EDC4: variants seen among roughly 807,000 people sequenced by gnomAD.
EDC4 encodes enhancer of mRNA-decapping protein 4.
Under a neutral mutation model 155.8 loss-of-function variants are expected in EDC4, and 64 were observed. That is an observed-to-expected ratio of 0.41 (90% confidence interval 0.34 to 0.51). The LOEUF (loss-of-function observed/expected upper bound fraction) is 0.51, where lower values mean the gene tolerates loss of function less well. Among genes scored for constraint, EDC4 ranks in the 20% least tolerant of loss-of-function variants. The probability of loss-of-function intolerance (pLI) is 0.19; values close to 1 mark genes in which losing one functional copy is unlikely to be tolerated. For missense variants in EDC4, 1,303 were observed against 1,812.5 expected, an observed-to-expected ratio of 0.72 and a Z score of 5.10; for synonymous variants, 684 against 716.8, an observed-to-expected ratio of 0.95 and a Z score of 0.73.
In EDC4 at chr16:67,878,188, C is replaced by G. The variant is rs1567389757; in HGVS notation, c.917C>G (p.Ser306Cys). Residue 306 changes from serine (S) to cysteine (C), a missense_variant, in exon 8 of 29, where the codon TCT becomes TGT. Transcript: ENST00000358933. This position sits in a 1 kb window ranked among gnomAD's most constrained non-coding sequence, Gnocchi z 5.2. ...TAGTGCCTCAGTGAAGGAGCCCTCT[C>G]TCCTGATGGGACTGTGCTGGCTACT... ...HSTCLSEGAL[S>C]PDGTVLATAS... is the part of the protein sequence containing the mutation. 2 of 1,614,188 alleles carry G rather than the reference C, an allele frequency of 1.2e-6. No homozygotes were observed. Among genetic ancestry groups the G allele is most frequent in the Non-Finnish European group, 1.7e-6 (2 of 1,180,040 alleles).
chr16:67,881,100 G>C lies in EDC4; in HGVS notation c.2556G>C (p.Lys852Asn). ...AESPRNGLQE[K>N]HKSLAFHRPP... ...GCCCCAGGAATGGCCTTCAGGAAAA[G>C]CACAAGAGCCTGGCCTTCCACCGAC... Residue 852 changes from lysine to asparagine, a missense_variant, in exon 19 of 29, where the codon AAG becomes AAC. Lys to Asn is a moderately conservative substitution (Grantham distance 94, BLOSUM62 0). Transcript: ENST00000358933. This position sits in a 1 kb window ranked among gnomAD's most constrained non-coding sequence, Gnocchi z 5.4. 6.2e-7 allele frequency: 1 copy of C among 1,614,096 alleles called. No homozygotes were observed. The highest frequency in any genetic ancestry group is 8.5e-7 in the Non-Finnish European group (1 of 1,180,040).
rs1335985053 is a variant in EDC4 at position 67,879,457 on chromosome 16, T to C, written c.1587T>C (p.Pro529=). The C allele has an allele frequency of 1.1e-5, 17 of 1,614,160 alleles. No individual in the cohort carries two copies. Among genetic ancestry groups the C allele is most frequent in the Non-Finnish European group, 1.4e-5 (17 of 1,180,024 alleles). The change falls in exon 14 of 29, where the codon CCT becomes CCC. Residue 529 remains proline (P), a synonymous_variant. Transcript: ENST00000358933. The surrounding 1 kb of genome is among the most constrained non-coding windows in gnomAD (Gnocchi z 6.0). The part of the protein sequence containing the change: ...VQIRFQPQLN[P]DVVAPLPTHT... The stretch of plus-strand genomic sequence containing the variant: ...TCCGCTTCCAGCCACAGCTGAACCC[T>C]GATGTGGTGGCCCCACTGCCCACCC...
intron 1 of EDC4, among the ~76,000 whole-genome samples, chr16:67,874,258 C>A (rs907474109): frequency 6.6e-5 from 10 of 152,180 alleles, no homozygotes; most frequent in African/African-American, 2.4e-4. Context: ...GTTTAGGGAT[C>A]TCTGAAGTGG....
chr16:67,873,270 C>G lies in EDC4; in HGVS notation c.9C>G (p.Ser3=), dbSNP rs1433524050. 4 of 1,468,346 alleles carry G rather than the reference C, an allele frequency of 2.7e-6. No homozygotes were observed. The highest frequency in any genetic ancestry group is 3.6e-6 in the Non-Finnish European group (4 of 1,114,410). The allele number at this position is 1,468,346 out of a possible 1,614,324, so 91.0% of individuals were successfully genotyped here. A position where few individuals can be genotyped will look rare whatever the true frequency, so the allele number is the denominator to read the frequency against. MA[S]CASIDIEDAT... ...CGCCCGCCGCAGGGCCCATGGCCTC[C>G]TGCGCGAGCATCGACATCGAGGACG... The change falls in exon 1 of 29, where the codon TCC becomes TCG. Residue 3 remains serine, a synonymous_variant. Transcript: ENST00000358933.
chr16:67,874,157 G>C (rs530763745), intron 1 of EDC4, among the ~76,000 whole-genome samples: 2 of 152,286 alleles, frequency 1.3e-5, no homozygotes, highest in Admixed American at 6.5e-5. Flanking sequence ...ACAGGGGCTT[G>C]GGTGTCAGGA....
At chr16:67,875,905 G>C (rs753772373) in intron 1 of EDC4, 40 bp from the exon 2 acceptor site, 3 of 1,593,362 alleles carry the variant, frequency 1.9e-6, no homozygotes, top group Non-Finnish European at 2.6e-6. Flanking sequence ...CTTGTGGGCA[G>C]GTCGAGCAAC....
In EDC4 at chr16:67,884,202, G is replaced by C. The variant is rs973584423; in HGVS notation, c.*54G>C. On this transcript the variant is annotated 3_prime_UTR_variant, in exon 29 of 29. Coordinates refer to ENST00000358933, the MANE Select transcript of EDC4 (RefSeq NM_014329.5). The surrounding 1 kb of genome is among the most constrained non-coding windows in gnomAD (Gnocchi z 4.1). ...GATGGCACTGAAGGCCAGCAGACAG[G>C]CCTAGGCTGGGGCAGGGTCACGGCT... The C allele has an allele frequency of 5.4e-6, 8 of 1,495,186 alleles. 1 individual carries two copies. The South Asian group carries it at 8.9e-5, about 17-fold the overall frequency. 92.6% of individuals were successfully genotyped at this position (1,495,186 alleles called of 1,614,324 possible). A position where few individuals can be genotyped will look rare whatever the true frequency, so the allele number is the denominator to read the frequency against.
rs1167112102 is a variant in EDC4, at chr16:67,876,346, G to A, written c.240-142G>A. On this transcript the variant is annotated intron_variant, in intron 2 of 28. Transcript: ENST00000358933. This position sits in a 1 kb window ranked among gnomAD's most constrained non-coding sequence, Gnocchi z 5.8. ...GAAGGAGATGAGCAAGCAGAGCTGT[G>A]GGTCTGGGGCCAGTGGACCAGGCGA... 7.4e-7 allele frequency: 1 copy of A among 1,358,232 alleles called. No homozygotes were observed. The highest frequency in any genetic ancestry group is 2.7e-4 in the Middle Eastern group (1 of 3,726). The allele number at this position is 1,358,232 out of a possible 1,614,324, so 84.1% of individuals were successfully genotyped here.
intron 1 of EDC4, 52 bp from the exon 2 acceptor site, chr16:67,875,893 G>A (rs1413684507): frequency 1.7e-5 from 27 of 1,581,410 alleles, no homozygotes; most frequent in Middle Eastern, 2.2e-4. Context: ...AAAGGGGAGA[G>A]GCTTGTGGGC....
In EDC4 at chr16:67,879,076, C is replaced by T. The variant is rs750068655; in HGVS notation, c.1407C>T (p.Arg469=). 14 of 1,613,608 alleles carry T rather than the reference C, an allele frequency of 8.7e-6. No homozygotes were observed. In the South Asian group the frequency reaches 1.3e-4, roughly 15 times the overall value. ...VLSFGIQVVS[R]CRLRHTEVLP... Reference sequence around the variant, plus strand: ...GCTTTGGTATCCAGGTTGTGAGTCGCTGCCGGCTACGGCACACTGAGGTGC... The same window carrying T: ...GCTTTGGTATCCAGGTTGTGAGTCGTTGCCGGCTACGGCACACTGAGGTGC... Residue 469 remains arginine (R), a synonymous_variant, in exon 12 of 29, where the codon CGC becomes CGT. Transcript: ENST00000358933. This position sits in a 1 kb window ranked among gnomAD's most constrained non-coding sequence, Gnocchi z 6.0.
Position 67,880,607 on chromosome 16 carries a change from C to G in EDC4, c.2148C>G (p.Pro716=), listed in dbSNP as rs774971256. The G allele has an allele frequency of 1.2e-6, 2 of 1,614,024 alleles. No individual in the cohort carries two copies. Among genetic ancestry groups the G allele is most frequent in the Non-Finnish European group, 1.7e-6 (2 of 1,180,032 alleles). The change falls in exon 18 of 29, where the codon CCC becomes CCG. Residue 716 remains proline, a synonymous_variant. Coordinates refer to ENST00000358933, the MANE Select transcript of EDC4 (RefSeq NM_014329.5). The surrounding 1 kb of genome is among the most constrained non-coding windows in gnomAD (Gnocchi z 5.2). ...ALSLELQEVE[P]LGLPQASPSR... ...CCCTGGAGCTGCAGGAAGTGGAGCC[C>G]CTGGGGCTACCCCAAGCCTCCCCTA...
chr16:67,879,894 C>CAGCAGCAGT lies in EDC4; in HGVS notation c.1875_1883dup (p.Ser627_Ser629dup), dbSNP rs748507240. 6.2e-6 allele frequency: 10 copies of CAGCAGCAGT among 1,612,782 alleles called. No individual in the cohort carries two copies. The highest frequency in any genetic ancestry group is 1.7e-5 in the Admixed American group (1 of 59,974). ...GCAGCAGCAGCGGTAGCAGCAGCAG[C>CAGCAGCAGT]AGCAGCAGTAGCAGCAGCTCCCTTA... is the stretch of plus-strand genomic sequence containing the variant. On this transcript the variant is annotated inframe_insertion, in exon 16 of 29. Coordinates refer to ENST00000358933, the MANE Select transcript of EDC4 (RefSeq NM_014329.5). This position sits in a 1 kb window ranked among gnomAD's most constrained non-coding sequence, Gnocchi z 6.0.
chr16:67,878,154 G>A lies in EDC4; in HGVS notation c.895-12G>A, dbSNP rs746927231. On this transcript the variant is annotated splice_polypyrimidine_tract_variant and intron_variant, in intron 7 of 28. Coordinates refer to ENST00000358933, the MANE Select transcript of EDC4 (RefSeq NM_014329.5). The surrounding 1 kb of genome is among the most constrained non-coding windows in gnomAD (Gnocchi z 5.2). ...CACCTCTAGTCAGCAAAGCTTTTTG[G>A]GTTCTTTCTAGTGCCTCAGTGAAGG... The A allele has an allele frequency of 3.7e-6, 6 of 1,614,044 alleles. No homozygotes were observed. In the South Asian group the frequency reaches 4.4e-5, roughly 12 times the overall value.
rs935571512 is a variant in EDC4 at position 67,877,994 on chromosome 16, C to T, written c.894+149C>T. The stretch of plus-strand genomic sequence containing the variant: ...AATTGGCCCTCACCTGTGCAGCTTT[C>T]TCCTTATCTAGCAGCACCCTGCAGG... On this transcript the variant is annotated intron_variant, in intron 7 of 28. Coordinates refer to ENST00000358933, the MANE Select transcript of EDC4 (RefSeq NM_014329.5). The surrounding 1 kb of genome is among the most constrained non-coding windows in gnomAD (Gnocchi z 4.9). The T allele has an allele frequency of 2.7e-6, 4 of 1,483,534 alleles. No homozygotes were observed. The allele number at this position is 1,483,534 out of a possible 1,614,324, so 91.9% of individuals were successfully genotyped here.
In EDC4 at chr16:67,880,683, C is replaced by G; in HGVS notation, c.2224C>G (p.Gln742Glu). The G allele has an allele frequency of 6.2e-7, 1 of 1,614,200 alleles. No individual in the cohort carries two copies. Among genetic ancestry groups the G allele is most frequent in the African/African-American group, 1.3e-5 (1 of 75,070 alleles). The change falls in exon 18 of 29, where the codon CAG becomes GAG. Residue 742 changes from glutamine (Q) to glutamate (E), a missense_variant. Gln to Glu is a conservative substitution (Grantham distance 29). This residue lies in a region of EDC4 where 391 missense variants were observed against 445.4 expected (regional missense o/e 0.88). Coordinates refer to ENST00000358933, the MANE Select transcript of EDC4 (RefSeq NM_014329.5). This position sits in a 1 kb window ranked among gnomAD's most constrained non-coding sequence, Gnocchi z 5.2. ...CTCCTCAGCTTCCACTGCCCTGTCC[C>G]AGGACATCCCTGAGATTGCATCTGA... ...VISSASTALS[Q>E]DIPEIASEAL...
In EDC4 at chr16:67,881,445, G is replaced by A; in HGVS notation, c.2789+28G>A. ...AGGGAGAAATCCTAGGGAGGGAGAGGGTGGTCTCTAGGCTGCCTCACATAG... is the reference window on the plus strand; with the variant it reads ...AGGGAGAAATCCTAGGGAGGGAGAGAGTGGTCTCTAGGCTGCCTCACATAG... On this transcript the variant is annotated intron_variant, in intron 20 of 28. Transcript: ENST00000358933. The surrounding 1 kb of genome is among the most constrained non-coding windows in gnomAD (Gnocchi z 5.4). 7 of 1,614,058 alleles carry A rather than the reference G, an allele frequency of 4.3e-6. No homozygotes were observed. Among genetic ancestry groups the A allele is most frequent in the Non-Finnish European group, 5.9e-6 (7 of 1,179,958 alleles).
chr16:67,876,673 C>T lies in EDC4; in HGVS notation c.351+74C>T. ...GCCTTTCCAGTCTCCCTCATGCTGCCAGTTCCTATGGGGACCACCTTGACA... is the reference window on the plus strand; with the variant it reads ...GCCTTTCCAGTCTCCCTCATGCTGCTAGTTCCTATGGGGACCACCTTGACA... On this transcript the variant is annotated intron_variant, in intron 3 of 28. Transcript: ENST00000358933. The surrounding 1 kb of genome is among the most constrained non-coding windows in gnomAD (Gnocchi z 5.8). The T allele has an allele frequency of 1.9e-6, 3 of 1,586,198 alleles. No homozygotes were observed. Among genetic ancestry groups the T allele is most frequent in the Non-Finnish European group, 2.6e-6 (3 of 1,163,714 alleles).
chr16:67,878,969 A>G lies in EDC4; in HGVS notation c.1300A>G (p.Met434Val), dbSNP rs1182336171. 5 of 1,610,246 alleles carry G rather than the reference A, an allele frequency of 3.1e-6. No individual in the cohort carries two copies. The highest frequency in any genetic ancestry group is 4.2e-6 in the Non-Finnish European group (5 of 1,178,456). Residue 434 changes from methionine to valine, a missense_variant, in exon 12 of 29, where the codon ATG becomes GTG. By Grantham distance (21) the Met-to-Val change is conservative. Around this residue, in one of 5 missense-constraint regions of EDC4, gnomAD observed 235 missense variants for 367.7 expected, o/e 0.64. Transcript: ENST00000358933. This position sits in a 1 kb window ranked among gnomAD's most constrained non-coding sequence, Gnocchi z 5.2. The part of the protein sequence containing the change: ...SDVQRKVLYV[M>V]ELLQNQEEGH... The stretch of plus-strand genomic sequence containing the variant: ...TCTGCCTGTGCAGGTCCTCTATGTG[A>G]TGGAGCTGCTGCAAAACCAGGAGGA...
Position 67,882,151 on chromosome 16 carries a change from G to A in EDC4, c.3160+42G>A, listed in dbSNP as rs749319656. ...GACTCCCTTTGGGTGGTTCAGGTGG[G>A]AGTGGGGTACCTGTCAAGCTTCTTC... On this transcript the variant is annotated intron_variant, in intron 23 of 28. Transcript: ENST00000358933. This position sits in a 1 kb window ranked among gnomAD's most constrained non-coding sequence, Gnocchi z 7.2. 2 of 1,613,368 alleles carry A rather than the reference G, an allele frequency of 1.2e-6. No individual in the cohort carries two copies. The highest frequency in any genetic ancestry group is 2.7e-5 in the African/African-American group (2 of 74,900).
Sources: gnomAD v4.1 joint callset for allele counts (sites outside exome capture counted in the v4.1 genomes callset) on GRCh38, gnomAD v4.1.1 for gene constraint, gnomAD v4.1.1 regional missense constraint, Gnocchi (gnomAD v3.1) non-coding constraint, MANE v1.5 for transcripts, NCBI Gene and HGNC (gene_info 2026-07-23, HGNC 2026-07-21) for gene names.